DCLK2: variants seen among roughly 807,000 people sequenced by gnomAD.
DCLK2 encodes the protein doublecortin like kinase 2, also known as serine/threonine-protein kinase DCLK2.
In DCLK2, 31 loss-of-function variants were observed where a neutral mutation model predicts 78.4. The ratio of observed to expected loss-of-function variants is 0.40; its 90% CI spans 0.30 to 0.53. DCLK2 has a LOEUF of 0.53. DCLK2 is among the 20% of genes least tolerant of loss of function. DCLK2 has a pLI of 0.61. For synonymous variants in DCLK2, 407 were observed against 374.9 expected (o/e 1.09, Z -0.99); for missense variants, 872 against 973.7 (o/e 0.90, Z 1.39).
rs192649624 is a variant in DCLK2, at chr4:150,252,434, C to T, written c.2073+2750C>T. Among the ~76,000 whole-genome samples the T allele has an allele frequency of 2.0e-5, 3 of 152,310 alleles. No homozygotes were observed. The East Asian group carries it at 5.8e-4, about 29-fold the overall frequency. On this transcript the variant is annotated intron_variant, in intron 15 of 15. Transcript: ENST00000296550. ...GGGCTTAGGAGAGTTTGCTCGGAGA[C>T]TGTGAAGGGAGTCATTGCTGGGGTC...
chr4:150,215,700 A>T (rs944697950), intron 5 of DCLK2, among the ~76,000 whole-genome samples: 1 of 152,226 alleles, frequency 6.6e-6, no homozygotes, highest in East Asian at 1.9e-4. Context: ...TTCATTACAT[A>T]GGCATGATTG....
rs182572930 is a variant in DCLK2, at chr4:150,096,919, G to A, written c.422-5559G>A. Among the ~76,000 whole-genome samples, 453 of 152,182 alleles carry A rather than the reference G, an allele frequency of 3.0e-3. 4 individuals carry two copies. The highest frequency in any genetic ancestry group is 0.01 in the African/African-American group (433 of 41,506). The stretch of plus-strand genomic sequence containing the variant: ...TAGAGTGAATGGGGTGGGGCTGGGC[G>A]GTTCATGTGTTTAAGGTGGGACACA... On this transcript the variant is annotated intron_variant, in intron 1 of 15. Coordinates refer to ENST00000296550, the MANE Select transcript of DCLK2 (RefSeq NM_001040260.4).
intron 2 of DCLK2, among the ~76,000 whole-genome samples, chr4:150,120,378 G>A (rs950694447): frequency 6.6e-6 from 1 of 152,144 alleles, no homozygotes; most frequent in African/African-American, 2.4e-5. Context: ...GTTTTACTCT[G>A]TTCTGTTTAG....
chr4:150,174,239 A>G (rs1736776557), intron 2 of DCLK2, among the ~76,000 whole-genome samples: 1 of 152,192 alleles, frequency 6.6e-6, no homozygotes, highest in Non-Finnish European at 1.5e-5. Context: ...CCTACTGAGT[A>G]GCCATGCGGC....
chr4:150,133,738 C>G (rs1733493546), intron 2 of DCLK2, among the ~76,000 whole-genome samples: 1 of 152,152 alleles, frequency 6.6e-6, no homozygotes, highest in Admixed American at 6.5e-5. Context: ...TGCTAATAAT[C>G]ATTCAGTGTC....
At chr4:150,118,747 C>G (rs1732292591) in intron 2 of DCLK2, among the ~76,000 whole-genome samples, 1 of 152,026 alleles carries the variant, frequency 6.6e-6, no homozygotes, top group African/African-American at 2.4e-5. Flanking sequence ...GCCTGTAATC[C>G]TAGCACTTTG....
chr4:150,146,077 C>G (rs1400593644), intron 2 of DCLK2, among the ~76,000 whole-genome samples: 1 of 152,168 alleles, frequency 6.6e-6, no homozygotes, highest in Admixed American at 6.5e-5. Context: ...TGGAGGCCAT[C>G]TGATTTCCTG....
intron 5 of DCLK2, among the ~76,000 whole-genome samples, chr4:150,220,342 G>A (rs1241980253): frequency 6.6e-6 from 1 of 152,138 alleles, no homozygotes; most frequent in African/African-American, 2.4e-5. Flanking sequence ...GGAGTCACAT[G>A]GTTAGCCTGG....
chr4:150,203,602 GT>G lies in DCLK2; in HGVS notation c.962-179del, dbSNP rs5862912. On this transcript the variant is annotated intron_variant, in intron 4 of 15. Coordinates refer to ENST00000296550, the MANE Select transcript of DCLK2 (RefSeq NM_001040260.4). The stretch of plus-strand genomic sequence containing the variant: ...TTGAAAATAGTTCTAGTTTCACTCT[GT>G]TTTTTTTTTTTTTGTCTGTAATGCA... Among the ~76,000 whole-genome samples, 1,069 of 142,010 alleles carry G rather than the reference GT, an allele frequency of 7.5e-3. 16 individuals are homozygous for G. Among genetic ancestry groups the G allele is most frequent in the African/African-American group, 0.027 (1,040 of 38,502 alleles). The allele number at this position is 142,010 out of a possible 152,430, so 93.2% of individuals were successfully genotyped here.
Position 150,249,606 on chromosome 4 carries a change from G to A in DCLK2, c.1995G>A (p.Val665=). The stretch of plus-strand genomic sequence containing the variant: ...AGGAGAATAACATGCAAGCTGAGGT[G>A]ACAGGTAAACTAAAACAGCACTTTA... ...ASQENNMQAE[V]TGKLKQHFNN... Residue 665 remains valine (V), a synonymous_variant, in exon 15 of 16, where the codon GTG becomes GTA. Coordinates refer to ENST00000296550, the MANE Select transcript of DCLK2 (RefSeq NM_001040260.4). 1 of 1,613,766 alleles carries A rather than the reference G, an allele frequency of 6.2e-7. No individual in the cohort carries two copies. The highest frequency in any genetic ancestry group is 8.5e-7 in the Non-Finnish European group (1 of 1,179,972).
chr4:150,190,248 TAGATA>T (rs1300709215), intron 2 of DCLK2, among the ~76,000 whole-genome samples: 1 of 69,838 alleles, frequency 1.4e-5, no homozygotes, highest in African/African-American at 8.0e-5. Flanking sequence ...GATAGATAGA[TAGATA>T]GATAGATAGA....
intron 15 of DCLK2, 63 bp from the exon 16 acceptor site, chr4:150,255,957 C>G: frequency 6.3e-7 from 1 of 1,576,150 alleles, no homozygotes; most frequent in South Asian, 1.2e-5. Context: ...GCTCTCTGCT[C>G]GTGGCAGCTG....
chr4:150,165,650 A>C (rs1225314252), intron 2 of DCLK2, among the ~76,000 whole-genome samples: 1 of 152,226 alleles, frequency 6.6e-6, no homozygotes, highest in Non-Finnish European at 1.5e-5. Context: ...TAAACCTTAG[A>C]TTGTTAGGTT....
chr4:150,255,977 C>A lies in DCLK2; in HGVS notation c.2074-43C>A, dbSNP rs533366558. On this transcript the variant is annotated intron_variant, in intron 15 of 15. Transcript: ENST00000296550. ...CTGCTCGTGGCAGCTGGGACCCGAG[C>A]CTGGGCCCGGGTAATGTGTTGTCTC... The A allele has an allele frequency of 3.1e-6, 5 of 1,597,520 alleles. No homozygotes were observed. The South Asian group carries it at 4.5e-5, about 14-fold the overall frequency.
chr4:150,143,539 T>C (rs1176730839), intron 2 of DCLK2, among the ~76,000 whole-genome samples: 5 of 152,144 alleles, frequency 3.3e-5, no homozygotes, highest in African/African-American at 4.8e-5. Context: ...TTTAATATAA[T>C]GATTTTTTTT....
chr4:150,079,289 G>A lies in DCLK2; in HGVS notation c.262G>A (p.Val88Met). The A allele has an allele frequency of 6.2e-7, 1 of 1,600,294 alleles. No individual in the cohort carries two copies. Among genetic ancestry groups the A allele is most frequent in the Non-Finnish European group, 8.5e-7 (1 of 1,173,712 alleles). ...RNGDRYFKGL[V>M]FAISSDRFRS... ...CGGGGACCGCTACTTCAAGGGCCTG[G>A]TGTTTGCCATCTCCAGCGACCGCTT... Residue 88 changes from valine (V) to methionine (M), a missense_variant, in exon 1 of 16, where the codon GTG becomes ATG. Coordinates refer to ENST00000296550, the MANE Select transcript of DCLK2 (RefSeq NM_001040260.4).
At chr4:150,206,628 C>T (rs964335554) in intron 5 of DCLK2, among the ~76,000 whole-genome samples, 1 of 152,092 alleles carries the variant, frequency 6.6e-6, no homozygotes, top group Non-Finnish European at 1.5e-5. Context: ...TGTTAACTTG[C>T]CGAAAAACCT....
intron 10 of DCLK2, among the ~76,000 whole-genome samples, chr4:150,236,902 A>G (rs1224814530): frequency 6.6e-6 from 1 of 152,138 alleles, no homozygotes; most frequent in Admixed American, 6.5e-5. Context: ...CCCTTTCTAT[A>G]TATGCTCCTG....
At chr4:150,202,909 T>C (rs1392617134) in intron 4 of DCLK2, among the ~76,000 whole-genome samples, 1 of 152,216 alleles carries the variant, frequency 6.6e-6, no homozygotes, top group East Asian at 1.9e-4. Context: ...CTGAAATGTT[T>C]GACCAGAATT....
Sources: allele counts gnomAD v4.1 joint callset (sites outside exome capture counted in the v4.1 genomes callset), GRCh38; gene constraint gnomAD v4.1.1; transcripts MANE v1.5; gene names NCBI Gene and HGNC (gene_info 2026-07-23, HGNC 2026-07-21).